Variants in EEF2 observed in about 807,000 individuals in gnomAD.
The protein encoded by EEF2 is elongation factor 2.
In EEF2, 21 loss-of-function variants were observed where a neutral mutation model predicts 85.3. That is an observed-to-expected ratio of 0.25 (90% CI 0.17 to 0.35). The LOEUF is 0.35. Among genes scored for constraint, EEF2 ranks in the 10% least tolerant of loss-of-function variants. The pLI, the probability that EEF2 is intolerant of heterozygous loss-of-function variation, is 1.00. For synonymous variants in EEF2, 723 were observed against 508.8 expected, an observed-to-expected ratio of 1.42 and a Z score of -5.67; for missense variants, 825 against 1,225.3, an observed-to-expected ratio of 0.67 and a Z score of 4.88.
chr19:3,981,407 G>C lies in EEF2; in HGVS notation c.943C>G (p.Leu315Val). ...MNFKKEETAK[L>V]IEKLDIKLDS... The stretch of plus-strand genomic sequence containing the variant: ...AGTTTGATGTCCAGTTTCTCTATCA[G>C]TTTTGCTGTCTCCTCTTTCTTGAAA... The change falls in exon 7 of 15, where the codon CTG becomes GTG. Residue 315 changes from leucine to valine, a missense_variant. Coordinates refer to ENST00000309311, the MANE Select transcript of EEF2 (RefSeq NM_001961.4). The C allele has an allele frequency of 6.2e-7, 1 of 1,614,220 alleles. No individual in the cohort carries two copies. Among genetic ancestry groups the C allele is most frequent in the Non-Finnish European group, 8.5e-7 (1 of 1,180,046 alleles).
Position 3,979,196 on chromosome 19 carries a change from G to C in EEF2, c.1713+133C>G. The C allele has an allele frequency of 6.1e-6, 4 of 661,064 alleles. No homozygotes were observed. The South Asian group carries it at 8.1e-5, about 13-fold the overall frequency. The allele number at this position is 661,064 out of a possible 1,614,324, so 40.9% of individuals were successfully genotyped here. A position where few individuals can be genotyped will look rare whatever the true frequency, so the allele number is the denominator to read the frequency against. On this transcript the variant is annotated intron_variant, in intron 11 of 14. Coordinates refer to ENST00000309311, the MANE Select transcript of EEF2 (RefSeq NM_001961.4). Reference sequence around the variant, plus strand: ...GTGGAAGACTGCAAAGAAGAAACTTGAGGAACTTAAGAAGCTGAGACCAAG... The same window carrying C: ...GTGGAAGACTGCAAAGAAGAAACTTCAGGAACTTAAGAAGCTGAGACCAAG...
rs75973588 is a variant in EEF2, at chr19:3,977,665, C to T, written c.2068-55G>A. ...GCCGGACACACCTCGGCTGCTTGCC[C>T]TCCACCTGCCAAGTCCTGCAGGTCT... is the stretch of plus-strand genomic sequence containing the variant. On this transcript the variant is annotated intron_variant, in intron 12 of 14. Transcript: ENST00000309311. This position sits in a 1 kb window ranked among gnomAD's most constrained non-coding sequence, Gnocchi z 5.4. 2,096 of 1,475,694 alleles carry T rather than the reference C, an allele frequency of 1.4e-3. 22 individuals are homozygous for T. In the African/African-American group the frequency reaches 0.027, roughly 19 times the overall value. 91.4% of individuals were successfully genotyped at this position (1,475,694 alleles called of 1,614,324 possible).
chr19:3,982,735 C>A, intron 4 of EEF2, 72 bp downstream of exon 4: 1 of 1,507,936 alleles, frequency 6.6e-7, no homozygotes, highest in South Asian at 1.2e-5. Flanking sequence ...CCCCTCAGCT[C>A]AACTCCACTC....
intron 2 of EEF2, chr19:3,983,852 G>A: frequency 2.1e-6 from 1 of 486,594 alleles, no homozygotes. Context: ...AGGTGTGACA[G>A]CCAAACCTCT....
At chr19:3,979,579 TGAA>T (rs2145359297) in intron 10 of EEF2, 143 bp from the exon 11 acceptor site, 2 of 925,644 alleles carry the variant, frequency 2.2e-6, no homozygotes, top group Non-Finnish European at 1.6e-6. Context: ...CACAAACTCC[TGAA>T]GAAATGTTAA....
In EEF2 at chr19:3,981,455, A is replaced by C; in HGVS notation, c.898-3T>G. 1.2e-6 allele frequency: 2 copies of C among 1,612,496 alleles called. No homozygotes were observed. Among genetic ancestry groups the C allele is most frequent in the Non-Finnish European group, 1.7e-6 (2 of 1,178,960 alleles). The stretch of plus-strand genomic sequence containing the variant: ...AAATTCATGATCGCATCAAACACCT[A>C]CATTCCCCACCAAGAAACAAGAAAG... On this transcript the variant is annotated splice_region_variant and splice_polypyrimidine_tract_variant and intron_variant, in intron 6 of 14. Coordinates refer to ENST00000309311, the MANE Select transcript of EEF2 (RefSeq NM_001961.4).
Position 3,982,339 on chromosome 19 carries a change from A to C in EEF2, c.698T>G (p.Val233Gly). The change falls in exon 5 of 15, where the codon GTG (valine) becomes GGG (glycine). Residue 233 changes from valine to glycine, a missense_variant. Coordinates refer to ENST00000309311, the MANE Select transcript of EEF2 (RefSeq NM_001961.4). ...FTLKQFAEMY[V>G]AKFAAKGEGQ... ...CTCCCCCTTGGCGGCGAACTTGGCC[A>C]CATACATCTCGGCAAACTGCTTCAG... The C allele has an allele frequency of 6.2e-7, 1 of 1,614,100 alleles. No individual in the cohort carries two copies. Among genetic ancestry groups the C allele is most frequent in the Non-Finnish European group, 8.5e-7 (1 of 1,180,012 alleles).
rs1304250854 is a variant in EEF2 at position 3,979,991 on chromosome 19, G to A, written c.1422C>T (p.Gly474=). The A allele has an allele frequency of 2.0e-5, 33 of 1,613,852 alleles. No individual in the cohort carries two copies. Among genetic ancestry groups the A allele is most frequent in the Non-Finnish European group, 2.7e-5 (32 of 1,180,048 alleles). The change falls in exon 10 of 15, where the codon GGC becomes GGT. Residue 474 remains glycine (G), a synonymous_variant. Transcript: ENST00000309311. ...VPCGNIVGLV[G]VDQFLVKTGT... ...CCGTCTTCACCAGGAACTGGTCCACGCCCACGAGGCCCACAATGTTCCCAC... is the reference window on the plus strand; with the variant it reads ...CCGTCTTCACCAGGAACTGGTCCACACCCACGAGGCCCACAATGTTCCCAC...
At chr19:3,979,056 C>T (rs1220427334) in intron 11 of EEF2, among the ~76,000 whole-genome samples, 1 of 150,748 alleles carries the variant, frequency 6.6e-6, no homozygotes, top group Admixed American at 6.6e-5. Flanking sequence ...CGCTTGAACC[C>T]GGGAGGTGGA....
intron 7 of EEF2, 107 bp from the exon 8 acceptor site, chr19:3,981,086 G>C (rs559146259): frequency 8.9e-6 from 13 of 1,466,104 alleles, no homozygotes; most frequent in Non-Finnish European, 1.1e-5. Flanking sequence ...CAGGACTAAC[G>C]TTCTCCAAAG....
chr19:3,981,564 G>A (rs2039747538), intron 6 of EEF2, 112 bp from the exon 7 acceptor site: 1 of 1,013,378 alleles, frequency 9.9e-7, no homozygotes, highest in Admixed American at 1.9e-5. Context: ...CAGCACGGGA[G>A]CAGGAGCAGG....
chr19:3,977,530 G>A lies in EEF2; in HGVS notation c.2148C>T (p.Arg716=), dbSNP rs779468968. Residue 716 remains arginine, a synonymous_variant, in exon 13 of 15, where the codon CGC becomes CGT. Transcript: ENST00000309311. The surrounding 1 kb of genome is among the most constrained non-coding windows in gnomAD (Gnocchi z 5.4). The stretch of plus-strand genomic sequence containing the variant: ...CTGTGGGGATGATCTGGCCCCCTCC[G>A]CGGTGGATGGCGTCGGCGTGCAGGG... ...DVTLHADAIH[R]GGGQIIPTAR... The A allele has an allele frequency of 1.0e-4, 161 of 1,589,018 alleles. No individual in the cohort carries two copies. The highest frequency in any genetic ancestry group is 3.3e-4 in the Middle Eastern group (2 of 6,004).
intron 8 of EEF2, 34 bp from the exon 9 acceptor site, chr19:3,980,743 C>CA: frequency 6.2e-7 from 1 of 1,604,880 alleles, no homozygotes; most frequent in Non-Finnish European, 8.5e-7. Flanking sequence ...AGCTTTATTC[C>CA]AGTGCAGCTC....
At position 3,976,182 on chromosome 19, in the gene EEF2, G is replaced by A; in HGVS notation, c.*372C>T. 2 of 247,728 alleles carry A rather than the reference G, an allele frequency of 8.1e-6. No individual in the cohort carries two copies. The highest frequency in any genetic ancestry group is 4.7e-5 in the South Asian group (1 of 21,174). The allele number at this position is 247,728 out of a possible 1,614,324, so 15.3% of individuals were successfully genotyped here. The stretch of plus-strand genomic sequence containing the variant: ...CGCGTGTTCCTTTCCCCTTTCTGGG[G>A]CAAAAGCCACTGCGGGCCATGTACC... On this transcript the variant is annotated 3_prime_UTR_variant, in exon 15 of 15. Transcript: ENST00000309311.
intron 4 of EEF2, 41 bp downstream of exon 4, chr19:3,982,766 C>G (rs1174420990): frequency 6.3e-7 from 1 of 1,577,482 alleles, no homozygotes; most frequent in African/African-American, 1.4e-5. Flanking sequence ...CCTGCAGATC[C>G]CGCTGCGGCA....
At position 3,984,356 on chromosome 19, in the gene EEF2, C is replaced by A; in HGVS notation, c.4-6G>T. 6.2e-7 allele frequency: 1 copy of A among 1,613,744 alleles called. No homozygotes were observed. The highest frequency in any genetic ancestry group is 8.5e-7 in the Non-Finnish European group (1 of 1,179,702). On this transcript the variant is annotated splice_region_variant and splice_polypyrimidine_tract_variant and intron_variant, in intron 1 of 14. Transcript: ENST00000309311. ...TGGTCTACCGTGAAGTTCACCTGGG[C>A]AAGACAAGGAGGCTCAGACCAGCTC...
chr19:3,985,255 C>T (rs1007724658), intron 1 of EEF2, 123 bp downstream of exon 1: 10 of 1,153,948 alleles, frequency 8.7e-6, no homozygotes, highest in Non-Finnish European at 1.0e-5. Flanking sequence ...CCCGGGTCCT[C>T]CGGCCCCGCC....
In EEF2 at chr19:3,984,321, G is replaced by A. The variant is rs755060953; in HGVS notation, c.33C>T (p.Ala11=). The change falls in exon 2 of 15, where the codon GCC becomes GCT. Residue 11 remains alanine, a synonymous_variant. Transcript: ENST00000309311. MVNFTVDQIR[A]IMDKKANIRN... ...GGATGTTGGCCTTCTTGTCCATGAT[G>A]GCGCGGATCTGGTCTACCGTGAAGT... 1.9e-6 allele frequency: 3 copies of A among 1,614,210 alleles called. No individual in the cohort carries two copies. Among genetic ancestry groups the A allele is most frequent in the Non-Finnish European group, 1.7e-6 (2 of 1,180,042 alleles).
intron 6 of EEF2, 53 bp downstream of exon 6, chr19:3,981,894 G>T (rs2039753305): frequency 1.9e-6 from 3 of 1,555,516 alleles, no homozygotes; most frequent in South Asian, 2.2e-5. Context: ...GAGCCCACAG[G>T]GCCGAGGGCC....
Sources: allele counts gnomAD v4.1 joint callset (sites outside exome capture counted in the v4.1 genomes callset), GRCh38; gene constraint gnomAD v4.1.1; non-coding constraint Gnocchi (gnomAD v3.1); transcripts MANE v1.5; gene names NCBI Gene and HGNC (gene_info 2026-07-23, HGNC 2026-07-21).